Variants in SGCG observed in about 807,000 individuals in gnomAD.
SGCG encodes gamma-sarcoglycan.
Under a neutral mutation model 29.3 loss-of-function variants are expected in SGCG, and 26 were observed. The ratio of observed to expected loss-of-function variants is 0.89; its 90% CI spans 0.65 to 1.23. SGCG has a LOEUF of 1.23. SGCG is among the 50% of genes most tolerant of loss of function. The pLI is 0.00. For synonymous variants in SGCG, 145 were observed against 129.7 expected, an observed-to-expected ratio of 1.12 and a Z score of -0.80; for missense variants, 353 against 356.0, an observed-to-expected ratio of 0.99 and a Z score of 0.07.
chr13:23,209,032 T>G (rs753606847), intron 2 of SGCG, among the ~76,000 whole-genome samples: 3 of 152,138 alleles, frequency 2.0e-5, no homozygotes, highest in Non-Finnish European at 4.4e-5. Flanking sequence ...CTTTAGGTTA[T>G]CATGAAGGTA....
chr13:23,296,285 G>A (rs1881905537), intron 6 of SGCG, among the ~76,000 whole-genome samples: 1 of 152,200 alleles, frequency 6.6e-6, no homozygotes, highest in African/African-American at 2.4e-5. Context: ...TCTTGAAAAT[G>A]TCAGTTTACT....
At chr13:23,166,933 T>G in the SGCG span, among the ~76,000 whole-genome samples, 1 of 152,250 alleles carries the variant, frequency 6.6e-6, no homozygotes, top group Admixed American at 6.5e-5. Context: ...ATACTCTTTT[T>G]ATTTTAAAGT....
intron 1 of SGCG, among the ~76,000 whole-genome samples, chr13:23,182,397 T>C (rs758572632): frequency 6.6e-6 from 1 of 152,112 alleles, no homozygotes; most frequent in East Asian, 1.9e-4. Flanking sequence ...GTCCTGAGGA[T>C]GACTCTGCTA....
intron 5 of SGCG, among the ~76,000 whole-genome samples, chr13:23,286,829 C>G (rs145393533): frequency 1.7e-4 from 26 of 152,148 alleles, no homozygotes; most frequent in African/African-American, 6.0e-4. Flanking sequence ...ATAAGATGAC[C>G]CGAGGTGAAT....
At chr13:23,246,546 G>A (rs1041720100) in intron 3 of SGCG, 10 of 155,680 alleles carry the variant, frequency 6.4e-5, no homozygotes, top group African/African-American at 2.2e-4. Flanking sequence ...GGGAGCATCC[G>A]TTGAAAGATG....
intron 2 of SGCG, among the ~76,000 whole-genome samples, chr13:23,211,102 C>A (rs993818868): frequency 1.3e-5 from 2 of 152,160 alleles, no homozygotes; most frequent in African/African-American, 4.8e-5. Flanking sequence ...GGCCAAACGT[C>A]TTGCACCCCA....
chr13:23,174,198 A>G, the SGCG span, among the ~76,000 whole-genome samples: 1 of 152,176 alleles, frequency 6.6e-6, no homozygotes, highest in Admixed American at 6.5e-5. Flanking sequence ...GCCCAGCTCA[A>G]GAGAACACTG....
At chr13:23,296,396 A>C (rs560060) in intron 6 of SGCG, among the ~76,000 whole-genome samples, 1 of 152,244 alleles carries the variant, frequency 6.6e-6, no homozygotes, top group Non-Finnish European at 1.5e-5. Flanking sequence ...GGAAACATTT[A>C]GTGTATCTCT....
intron 3 of SGCG, among the ~76,000 whole-genome samples, chr13:23,238,363 T>C (rs956690344): frequency 6.6e-6 from 1 of 152,146 alleles, no homozygotes; most frequent in African/African-American, 2.4e-5. Context: ...AGTCTATGGA[T>C]AAATATTTAC....
upstream of SGCG, among the ~76,000 whole-genome samples, chr13:23,179,213 T>TAAG (rs569996696): frequency 1.5e-3 from 236 of 152,342 alleles, 1 homozygote; most frequent in Admixed American, 3.7e-3. Flanking sequence ...GTTACAAACT[T>TAAG]AAGCTGCCTA....
the SGCG span, among the ~76,000 whole-genome samples, chr13:23,165,234 T>C: frequency 6.6e-6 from 1 of 152,226 alleles, no homozygotes; most frequent in African/African-American, 2.4e-5. Flanking sequence ...AATAAAATTA[T>C]TTCATCATAA....
intron 4 of SGCG, chr13:23,269,046 T>C (rs1250056786): frequency 6.6e-6 from 1 of 152,210 alleles, no homozygotes; most frequent in South Asian, 2.1e-4. Flanking sequence ...CTTTATATGA[T>C]AATGTATTAT....
intron 1 of SGCG, among the ~76,000 whole-genome samples, chr13:23,201,371 A>AGAG (rs60893629): frequency 1 from 151,874 of 152,078 alleles, 75,835 homozygotes; most frequent in Middle Eastern, 1. Flanking sequence ...CTTACGTGGA[A>AGAG]GAGGAGGCTC....
chr13:23,198,544 A>C (rs1325521637), intron 1 of SGCG, among the ~76,000 whole-genome samples: 1 of 152,168 alleles, frequency 6.6e-6, no homozygotes, highest in Non-Finnish European at 1.5e-5. Flanking sequence ...ATTGAAAAGC[A>C]ATCAAAATTA....
Position 23,320,654 on chromosome 13 carries a change from G to A in SGCG, c.596G>A (p.Arg199Gln), listed in dbSNP as rs200191311. Residue 199 changes from arginine (R) to glutamine (Q), a missense_variant, in exon 7 of 8, where the codon CGG becomes CAG. Physicochemically the swap from Arg to Gln is conservative, Grantham distance 43. Transcript: ENST00000218867. ...CATCTCAGATTAGAATCCCCCACTC[G>A]GAGTCTAAGCATGGATGCCCCAAGG... ...FQDLRLESPT[R>Q]SLSMDAPRGV... The A allele has an allele frequency of 2.2e-4, 350 of 1,581,020 alleles. 1 individual carries two copies. Among genetic ancestry groups the A allele is most frequent in the Non-Finnish European group, 2.8e-4 (320 of 1,162,216 alleles).
chr13:23,317,023 A>G (rs507338), intron 6 of SGCG, among the ~76,000 whole-genome samples: 53,196 of 151,808 alleles, frequency 0.35, 9,722 homozygotes, highest in Middle Eastern at 0.41. Flanking sequence ...TGGCTAACAC[A>G]GTGAAAGCTG....
intron 5 of SGCG, among the ~76,000 whole-genome samples, chr13:23,292,038 C>A (rs1881727848): frequency 6.6e-6 from 1 of 152,196 alleles, no homozygotes; most frequent in African/African-American, 2.4e-5. Flanking sequence ...TGCCCTCACT[C>A]ACCAATCAGA....
chr13:23,275,542 G>T (rs950357485), intron 4 of SGCG, among the ~76,000 whole-genome samples: 7 of 151,670 alleles, frequency 4.6e-5, no homozygotes, highest in Admixed American at 3.9e-4. Context: ...AGCATTTTTG[G>T]AAGGCTGTGT....
chr13:23,179,996 C>T (rs772276600), upstream of SGCG, among the ~76,000 whole-genome samples: 6 of 151,994 alleles, frequency 3.9e-5, no homozygotes, highest in South Asian at 2.1e-4. Context: ...GCCCAGTACC[C>T]GATAGACAGT....
Sources: gnomAD v4.1 joint callset for allele counts (sites outside exome capture counted in the v4.1 genomes callset) on GRCh38, gnomAD v4.1.1 for gene constraint, MANE v1.5 for transcripts, NCBI Gene and HGNC (gene_info 2026-07-23, HGNC 2026-07-21) for gene names.